The following ENPP2 variants were observed in gnomAD, a reference collection of about 807,000 sequenced individuals.
The protein encoded by ENPP2 is autotaxin.
ENPP2 carries 51 observed loss-of-function variants against 120.2 expected under a neutral mutation model. The observed-to-expected ratio is 0.42, with a 90% CI of 0.34 to 0.54. The LOEUF (loss-of-function observed/expected upper bound fraction) is 0.54. Ranked by LOEUF, ENPP2 falls within the 20% of genes least tolerant of loss-of-function variation. The pLI is 0.04. For missense variants in ENPP2, 920 were observed against 1,066.5 expected (o/e 0.86, Z 1.91); for synonymous variants, 365 against 366.4 (o/e 1.00, Z 0.04).
chr8:119,621,599 A>G (rs1395491969), intron 3 of ENPP2, 80 bp from the exon 4 acceptor site: 4 of 1,480,496 alleles, frequency 2.7e-6, no homozygotes, highest in Non-Finnish European at 3.7e-6. Flanking sequence ...CAGGATTTCC[A>G]ATGAAGAAAG....
intron 22 of ENPP2, among the ~76,000 whole-genome samples, chr8:119,567,350 A>T (rs1306962352): frequency 6.6e-6 from 1 of 152,224 alleles, no homozygotes; most frequent in Admixed American, 6.5e-5. Flanking sequence ...TGCTTTCGAC[A>T]TTGGATAATT....
At chr8:119,583,235 C>T (rs914706527) in intron 17 of ENPP2, among the ~76,000 whole-genome samples, 4 of 152,194 alleles carry the variant, frequency 2.6e-5, no homozygotes, top group Non-Finnish European at 5.9e-5. Context: ...CAGACTCCCC[C>T]TCTAACCACC....
intron 2 of ENPP2, among the ~76,000 whole-genome samples, chr8:119,627,602 C>T (rs1816368837): frequency 6.6e-6 from 1 of 151,944 alleles, no homozygotes; most frequent in Non-Finnish European, 1.5e-5. Flanking sequence ...TGCCTCATAC[C>T]TGTAATCCCA....
intron 1 of ENPP2, chr8:119,673,248 G>T: frequency 2.0e-6 from 3 of 1,534,134 alleles, no homozygotes; most frequent in Non-Finnish European, 2.6e-6. Context: ...GGCGCATACC[G>T]TACCCGATCG....
chr8:119,595,871 A>C (rs1563711973), intron 11 of ENPP2: 1 of 1,614,070 alleles, frequency 6.2e-7, no homozygotes, highest in Non-Finnish European at 8.5e-7. Context: ...TTTCCGCAGC[A>C]TAATGATCCA....
At chr8:119,624,734 T>C (rs60306906) in intron 3 of ENPP2, among the ~76,000 whole-genome samples, 5,611 of 152,230 alleles carry the variant, frequency 0.037, 346 homozygotes, top group African/African-American at 0.13. Flanking sequence ...CACACATGCA[T>C]ATATATACAC....
intron 1 of ENPP2, among the ~76,000 whole-genome samples, chr8:119,653,385 G>A (rs1051990450): frequency 6.6e-6 from 1 of 152,208 alleles, no homozygotes; most frequent in African/African-American, 2.4e-5. Context: ...AGAAAAAAGA[G>A]CACAAGAGCA....
chr8:119,617,177 T>C lies in ENPP2; in HGVS notation c.644A>G (p.Tyr215Cys). Reference sequence around the variant, plus strand: ...AAAAATACTTACAGTGGCCAAAGTGTATAAGTTAGGAAAGGTTTTAGTTGG... The same window carrying C: ...AAAAATACTTACAGTGGCCAAAGTGCATAAGTTAGGAAAGGTTTTAGTTGG... ...VYPTKTFPNL[Y>C]TLATGLYPES... Residue 215 changes from tyrosine (Y) to cysteine (C), a missense_variant, in exon 7 of 25, where the codon TAC becomes TGC. Transcript: ENST00000075322. 2 of 1,610,766 alleles carry C rather than the reference T, an allele frequency of 1.2e-6. No homozygotes were observed. Among genetic ancestry groups the C allele is most frequent in the Non-Finnish European group, 8.5e-7 (1 of 1,176,938 alleles).
chr8:119,586,868 T>C (rs80167895), intron 14 of ENPP2, among the ~76,000 whole-genome samples, 176 bp downstream of exon 14: 4,694 of 152,298 alleles, frequency 0.031, 254 homozygotes, highest in African/African-American at 0.11. Flanking sequence ...AGCCTGCAGC[T>C]GACCACAGGC....
chr8:119,636,523 C>T lies in ENPP2; in HGVS notation c.136+1902G>A, dbSNP rs181555769. On this transcript the variant is annotated intron_variant, in intron 2 of 24. Coordinates refer to ENST00000075322, the MANE Select transcript of ENPP2 (RefSeq NM_001040092.3). ...TATCATAAAGGCCTAAAATAACCAA[C>T]GACTTAATTAAATAATTCAAGGAGC... 2.0e-3 allele frequency among the ~76,000 whole-genome samples: 299 copies of T among 152,246 alleles called. 1 individual carries two copies. The highest frequency in any genetic ancestry group is 0.017 in the Middle Eastern group (5 of 294).
In ENPP2 at chr8:119,626,582, T is replaced by C. The variant is rs1816292777; in HGVS notation, c.275A>G (p.Glu92Gly). The C allele has an allele frequency of 2.5e-6, 4 of 1,613,952 alleles. No individual in the cohort carries two copies. Among genetic ancestry groups the C allele is most frequent in the African/African-American group, 2.7e-5 (2 of 75,042 alleles). The change falls in exon 3 of 25, where the codon GAG becomes GGG. Residue 92 changes from glutamate to glycine, a missense_variant. Coordinates refer to ENST00000075322, the MANE Select transcript of ENPP2 (RefSeq NM_001040092.3). ...SYTSCCHDFDELCLKTARGWE... is the reference protein window; with the variant it reads ...SYTSCCHDFDGLCLKTARGWE... ...TTACGTACCTGTCTTCAAACACAGCTCATCAAAGTCATGGCAGCAACTGGT... is the reference window on the plus strand; with the variant it reads ...TTACGTACCTGTCTTCAAACACAGCCCATCAAAGTCATGGCAGCAACTGGT...
At chr8:119,667,609 T>G (rs1293741623) in intron 1 of ENPP2, among the ~76,000 whole-genome samples, 1 of 152,210 alleles carries the variant, frequency 6.6e-6, no homozygotes, top group African/African-American at 2.4e-5. Context: ...AATTCACTTT[T>G]GAATTAATCC....
Position 119,593,789 on chromosome 8 carries a change from C to T in ENPP2, c.1044G>A (p.Leu348=), listed in dbSNP as rs766065234. 3.7e-6 allele frequency: 6 copies of T among 1,612,896 alleles called. No homozygotes were observed. In the African/African-American group the frequency reaches 5.3e-5, roughly 14 times the overall value. Residue 348 remains leucine, a synonymous_variant, in exon 12 of 25, where the codon CTG becomes CTA. Transcript: ENST00000075322. ...CAAAGATGACGTTGACACACCGATG[C>T]AGTTTTAGTTGTTTCAGTCCATCCA... The part of the protein sequence containing the change: ...QLMDGLKQLK[L]HRCVNVIFVG...
At chr8:119,644,625 T>TATATATAC (rs1327738777) in intron 1 of ENPP2, among the ~76,000 whole-genome samples, 25 of 74,310 alleles carry the variant, frequency 3.4e-4, no homozygotes, top group African/African-American at 7.4e-4. Flanking sequence ...TATATATATA[T>TATATATAC]ACACACACAC....
At chr8:119,620,446 T>C (rs1160800253) in intron 4 of ENPP2, among the ~76,000 whole-genome samples, 1 of 152,212 alleles carries the variant, frequency 6.6e-6, no homozygotes, top group Non-Finnish European at 1.5e-5. Flanking sequence ...AATATATTAA[T>C]ATAACACCCT....
At chr8:119,613,350 G>A (rs776976441) in intron 8 of ENPP2, among the ~76,000 whole-genome samples, 6 of 152,106 alleles carry the variant, frequency 3.9e-5, no homozygotes, top group Non-Finnish European at 8.8e-5. Flanking sequence ...TTCGGAAGAC[G>A]CCTATTTAGA....
intron 1 of ENPP2, among the ~76,000 whole-genome samples, chr8:119,647,539 T>C (rs895514237): frequency 5.6e-4 from 85 of 152,346 alleles, no homozygotes; most frequent in African/African-American, 2.0e-3. Context: ...GCAGGCTAAG[T>C]GGCTTTTAGC....
intron 1 of ENPP2, among the ~76,000 whole-genome samples, chr8:119,664,065 G>T (rs764001543): frequency 5.9e-5 from 9 of 152,162 alleles, no homozygotes; most frequent in Non-Finnish European, 1.3e-4. Context: ...GTAAATATTT[G>T]ATAATGATGA....
chr8:119,585,157 G>A (rs191651313), intron 15 of ENPP2, among the ~76,000 whole-genome samples: 15 of 152,068 alleles, frequency 9.9e-5, no homozygotes, highest in Admixed American at 8.5e-4. Context: ...GCACATACCG[G>A]GCCAATTAAT....
Sources: allele counts gnomAD v4.1 joint callset (sites outside exome capture counted in the v4.1 genomes callset), GRCh38; gene constraint gnomAD v4.1.1; transcripts MANE v1.5; gene names NCBI Gene and HGNC (gene_info 2026-07-23, HGNC 2026-07-21).